Variants in EHMT1 observed in about 807,000 individuals in gnomAD.
EHMT1 encodes euchromatic histone lysine methyltransferase 1.
EHMT1 carries 15 observed loss-of-function variants against 147.2 expected under a neutral mutation model. The observed-to-expected ratio is 0.10, with a 90% CI of 0.07 to 0.16. The LOEUF (loss-of-function observed/expected upper bound fraction) is 0.16, where lower values mean the gene tolerates loss of function less well. EHMT1 is among the 10% of genes least tolerant of loss of function. The pLI is 1.00. For missense variants in EHMT1, 1,587 were observed against 1,772.4 expected (o/e 0.90, Z 1.88); for synonymous variants, 795 against 709.6 (o/e 1.12, Z -1.91).
intron 2 of EHMT1, among the ~76,000 whole-genome samples, chr9:137,713,138 C>T (rs1944892765): frequency 6.6e-6 from 1 of 152,110 alleles, no homozygotes; most frequent in South Asian, 2.1e-4. Flanking sequence ...GGGTCTCCCT[C>T]TGTAATCCAG....
intron 9 of EHMT1, among the ~76,000 whole-genome samples, chr9:137,759,406 TG>T (rs1348583441): frequency 1.3e-5 from 2 of 152,172 alleles, no homozygotes; most frequent in African/African-American, 4.8e-5. Context: ...ACTCCTGCTG[TG>T]GTGGCCTTGG....
chr9:137,696,826 G>T (rs1336837901), intron 1 of EHMT1, among the ~76,000 whole-genome samples: 1 of 152,174 alleles, frequency 6.6e-6, no homozygotes, highest in Non-Finnish European at 1.5e-5. Flanking sequence ...GTGTGTAGAG[G>T]CCATGCTGGG....
chr9:137,766,685 A>G (rs554820836), intron 10 of EHMT1, among the ~76,000 whole-genome samples: 1 of 152,222 alleles, frequency 6.6e-6, no homozygotes, highest in Admixed American at 6.5e-5. Flanking sequence ...TAACATAGCT[A>G]CTCAGCTTTC....
chr9:137,816,608 A>T (rs533745915), intron 23 of EHMT1: 1 of 175,242 alleles, frequency 5.7e-6, no homozygotes, highest in Non-Finnish European at 1.2e-5. Context: ...CTTTCCCTGG[A>T]TTCTGGTCTT....
chr9:137,706,206 G>T (rs1236682505), intron 1 of EHMT1, among the ~76,000 whole-genome samples: 1 of 152,222 alleles, frequency 6.6e-6, no homozygotes, highest in Non-Finnish European at 1.5e-5. Context: ...GTAGGTTGGG[G>T]CTCCTGAGGG....
At chr9:137,657,669 C>T (rs1938611017) in intron 1 of EHMT1, among the ~76,000 whole-genome samples, 1 of 151,902 alleles carries the variant, frequency 6.6e-6, no homozygotes, top group Non-Finnish European at 1.5e-5. Context: ...GTTTTACAGA[C>T]CATGCAGTTC....
chr9:137,764,889 C>T (rs1305716400), intron 10 of EHMT1: 1 of 152,168 alleles, frequency 6.6e-6, no homozygotes, highest in African/African-American at 2.4e-5. Flanking sequence ...GGACTTAGCT[C>T]ATAACTTTCT....
chr9:137,811,331 C>T (rs1227748053), intron 18 of EHMT1, 130 bp from the exon 19 acceptor site: 5 of 1,292,148 alleles, frequency 3.9e-6, no homozygotes, highest in Non-Finnish European at 5.5e-6. Context: ...TTCCACCTGG[C>T]CCTGCTGCGG....
chr9:137,782,507 C>A lies in EHMT1; in HGVS notation c.2382+110C>A. The A allele has an allele frequency of 9.6e-7, 1 of 1,036,866 alleles. No individual in the cohort carries two copies. The highest frequency in any genetic ancestry group is 1.4e-6 in the Non-Finnish European group (1 of 696,726). The allele number at this position is 1,036,866 out of a possible 1,614,324, so 64.2% of individuals were successfully genotyped here. ...CTTCCAGTGTAAGAGTTCCGTAGTG[C>A]TGTGAATCGGGCACAGAGTCAGCTT... On this transcript the variant is annotated intron_variant, in intron 15 of 26. Transcript: ENST00000460843. This position sits in a 1 kb window ranked among gnomAD's most constrained non-coding sequence, Gnocchi z 5.7.
At chr9:137,755,855 A>C (rs1949340497) in intron 8 of EHMT1, among the ~76,000 whole-genome samples, 1 of 152,180 alleles carries the variant, frequency 6.6e-6, no homozygotes, top group African/African-American at 2.4e-5. Flanking sequence ...TTTTTTTGAA[A>C]CGTGTCTGTT....
intron 3 of EHMT1, among the ~76,000 whole-genome samples, chr9:137,720,891 T>A (rs1945879517): frequency 6.6e-6 from 1 of 152,044 alleles, no homozygotes; most frequent in African/African-American, 2.4e-5. Flanking sequence ...AATCACTGGG[T>A]TCTATGGCCT....
At chr9:137,733,429 T>A (rs1300705834) in intron 4 of EHMT1, among the ~76,000 whole-genome samples, 1 of 152,250 alleles carries the variant, frequency 6.6e-6, no homozygotes. Context: ...TCTCCTCACC[T>A]AGACAACAGT....
intron 1 of EHMT1, among the ~76,000 whole-genome samples, chr9:137,638,769 C>T (rs929134742): frequency 9.9e-5 from 15 of 151,852 alleles, no homozygotes; most frequent in African/African-American, 3.4e-4. Context: ...CTTGTGAACA[C>T]AGACATGCAC....
In EHMT1 at chr9:137,775,305, T is replaced by C; in HGVS notation, c.1791+53T>C. ...GTCCTCCGCAGGCTTTGCTGTCTGC[T>C]CACTGGTGCTGGTTCCTGTCCTGTG... On this transcript the variant is annotated intron_variant, in intron 11 of 26. Transcript: ENST00000460843. This position sits in a 1 kb window ranked among gnomAD's most constrained non-coding sequence, Gnocchi z 6.1. 1 of 1,595,464 alleles carries C rather than the reference T, an allele frequency of 6.3e-7. No individual in the cohort carries two copies. Among genetic ancestry groups the C allele is most frequent in the Non-Finnish European group, 8.5e-7 (1 of 1,177,456 alleles).
chr9:137,742,301 G>GTGTGTGTGTT (rs1948164859), intron 4 of EHMT1, among the ~76,000 whole-genome samples: 3 of 149,062 alleles, frequency 2.0e-5, no homozygotes, highest in Non-Finnish European at 3.0e-5. Flanking sequence ...GTGTGTGTGT[G>GTGTGTGTGTT]TGTGTGTGTG....
intron 1 of EHMT1, among the ~76,000 whole-genome samples, chr9:137,647,857 A>G (rs1326985337): frequency 1.3e-5 from 2 of 151,942 alleles, no homozygotes; most frequent in Non-Finnish European, 2.9e-5. Flanking sequence ...TCGGCCTCCC[A>G]AGGTGTTGGG....
At chr9:137,662,398 A>T (rs886193397) in intron 1 of EHMT1, among the ~76,000 whole-genome samples, 1 of 151,808 alleles carries the variant, frequency 6.6e-6, no homozygotes, top group Non-Finnish European at 1.5e-5. Flanking sequence ...GAGTCTCTCC[A>T]TGTTGCCCAG....
chr9:137,641,822 G>T (rs549320884), intron 1 of EHMT1, among the ~76,000 whole-genome samples: 1 of 151,810 alleles, frequency 6.6e-6, no homozygotes, highest in South Asian at 2.1e-4. Context: ...ATAGGACTAA[G>T]ATCACATTTT....
At chr9:137,712,783 G>A (rs965581050) in intron 2 of EHMT1, among the ~76,000 whole-genome samples, 1 of 152,108 alleles carries the variant, frequency 6.6e-6, no homozygotes, top group African/African-American at 2.4e-5. Flanking sequence ...GATGAAGTCC[G>A]ACTTACCTGT....
Sources: allele counts gnomAD v4.1 joint callset (sites outside exome capture counted in the v4.1 genomes callset), GRCh38; gene constraint gnomAD v4.1.1; non-coding constraint Gnocchi (gnomAD v3.1); transcripts MANE v1.5; gene names NCBI Gene and HGNC (gene_info 2026-07-23, HGNC 2026-07-21).